The following POTEE variants were observed in gnomAD, a reference collection of about 807,000 sequenced individuals.
POTEE encodes ANKRD26-like family C member 1A.
A neutral mutation model predicts 74.2 loss-of-function variants in POTEE; 21 were observed. The observed-to-expected ratio is 0.28, with a 90% CI of 0.20 to 0.41. The LOEUF is 0.41. POTEE is among the 10% of genes least tolerant of loss of function. POTEE has a pLI of 1.00. For synonymous variants in POTEE, 211 were observed against 432.8 expected (o/e 0.49, Z 6.36); for missense variants, 525 against 1,158.6 (o/e 0.45, Z 7.94).
Position 131,263,943 on chromosome 2 carries a change from C to T in POTEE, c.2488C>T (p.Pro830Ser), listed in dbSNP as rs1171478564. 7.4e-6 allele frequency: 12 copies of T among 1,614,096 alleles called. No homozygotes were observed. Among genetic ancestry groups the T allele is most frequent in the African/African-American group, 1.3e-5 (1 of 74,944 alleles). The change falls in exon 18 of 18, where the codon CCA (proline) becomes TCA (serine). Residue 830 changes from proline (P) to serine (S), a missense_variant. Transcript: ENST00000683005. ...GATCATGTTTGAGACCTTCAACACC[C>T]CAGCCATGTACGTGGCCATCCAGGC... Reference protein sequence around the residue: ...TQIMFETFNTPAMYVAIQAVP... With the variant: ...TQIMFETFNTSAMYVAIQAVP...
At chr2:131,236,173 C>G (rs1226116522) in intron 9 of POTEE, among the ~76,000 whole-genome samples, 1 of 152,044 alleles carries the variant, frequency 6.6e-6, no homozygotes, top group South Asian at 2.1e-4. Flanking sequence ...CAGGAACTTG[C>G]AAATAGTATG....
chr2:131,215,296 C>A (rs576130194), intron 2 of POTEE, among the ~76,000 whole-genome samples: 1 of 151,954 alleles, frequency 6.6e-6, no homozygotes, highest in Admixed American at 6.6e-5. Context: ...TAAATAGTAT[C>A]AATTGCATAT....
chr2:131,231,342 G>A (rs1179614074), intron 9 of POTEE, among the ~76,000 whole-genome samples: 2 of 151,480 alleles, frequency 1.3e-5, no homozygotes, highest in South Asian at 2.1e-4. Context: ...GCCATAAGGA[G>A]TGGCTGTAAA....
At chr2:131,209,998 C>T (rs1197980346) in intron 1 of POTEE, among the ~76,000 whole-genome samples, 179 bp downstream of exon 1, 10 of 56,028 alleles carry the variant, frequency 1.8e-4, no homozygotes, top group Middle Eastern at 0.023. Flanking sequence ...CTACACTGCC[C>T]GTGGTGGCGG....
intron 4 of POTEE, among the ~76,000 whole-genome samples, chr2:131,219,579 T>TA (rs930012447): frequency 2.0e-5 from 3 of 151,814 alleles, no homozygotes; most frequent in Admixed American, 6.6e-5. Context: ...CTAAAAAATA[T>TA]AAAAAAAATT....
chr2:131,233,922 C>T lies in POTEE; in HGVS notation c.1127-2810C>T, dbSNP rs1483471990. On this transcript the variant is annotated intron_variant, in intron 9 of 17. Transcript: ENST00000683005. ...CTGGTGAATACAGAAGAGCAAAGAG[C>T]AGCAGGTCAGCAGGAATGACTAATG... is the stretch of plus-strand genomic sequence containing the variant. 2.0e-5 allele frequency among the ~76,000 whole-genome samples: 3 copies of T among 150,964 alleles called. No individual in the cohort carries two copies. The East Asian group carries it at 5.8e-4, about 29-fold the overall frequency.
intron 16 of POTEE, among the ~76,000 whole-genome samples, chr2:131,256,695 C>G (rs1277054502): frequency 1.5e-5 from 2 of 134,134 alleles, no homozygotes; most frequent in East Asian, 4.6e-4. Context: ...CTTAAAATCC[C>G]CTTTCTAAGA....
chr2:131,220,941 A>T (rs1700596928), intron 4 of POTEE, among the ~76,000 whole-genome samples: 1 of 144,236 alleles, frequency 6.9e-6, no homozygotes, highest in Non-Finnish European at 1.5e-5. Context: ...AGCCTGGGTG[A>T]TAGAGTGAGA....
intron 2 of POTEE, among the ~76,000 whole-genome samples, chr2:131,213,885 A>G (rs1700403377): frequency 6.6e-6 from 1 of 152,142 alleles, no homozygotes; most frequent in Non-Finnish European, 1.5e-5. Context: ...GTGACTGGGC[A>G]TAGAGTTGGC....
At chr2:131,225,685 A>AGT (rs1553475807) in intron 6 of POTEE, among the ~76,000 whole-genome samples, 3 of 131,166 alleles carry the variant, frequency 2.3e-5, no homozygotes, top group Admixed American at 7.5e-5. Flanking sequence ...CTCCAACCTC[A>AGT]GTTTTTTTTT....
At position 131,263,348 on chromosome 2, in the gene POTEE, T is replaced by G. The variant is rs543544640; in HGVS notation, c.1900-7T>G. Reference sequence around the variant, plus strand: ...GTGCTAACTAAAAGTTCTCTTTGTTTACTTAGCTTTCTCTTAGTTGTAAGA... The same window carrying G: ...GTGCTAACTAAAAGTTCTCTTTGTTGACTTAGCTTTCTCTTAGTTGTAAGA... On this transcript the variant is annotated splice_polypyrimidine_tract_variant and splice_region_variant and intron_variant, in intron 17 of 17. Coordinates refer to ENST00000683005, the MANE Select transcript of POTEE (RefSeq NM_001083538.3). 1.6e-4 allele frequency: 263 copies of G among 1,609,230 alleles called. 1 individual carries two copies. In the South Asian group the frequency reaches 2.8e-3, roughly 17 times the overall value.
intron 4 of POTEE, among the ~76,000 whole-genome samples, chr2:131,222,620 A>G (rs1006581632): frequency 1.3e-5 from 2 of 152,204 alleles, no homozygotes; most frequent in Admixed American, 6.5e-5. Flanking sequence ...TTAAAAGGAG[A>G]AAATTTATAA....
chr2:131,264,849 A>G lies in POTEE; in HGVS notation c.*166A>G. 1.3e-6 allele frequency: 1 copy of G among 749,278 alleles called. No individual in the cohort carries two copies. Among genetic ancestry groups the G allele is most frequent in the Non-Finnish European group, 2.2e-6 (1 of 462,088 alleles). The allele number at this position is 749,278 out of a possible 1,614,324, so 46.4% of individuals were successfully genotyped here. A position where few individuals can be genotyped will look rare whatever the true frequency, so the allele number is the denominator to read the frequency against. The stretch of plus-strand genomic sequence containing the variant: ...AAACCGGAATGGTGAAGGTGACAGC[A>G]GTCGGTTGGAGGAAGCTTCCTCCAA... On this transcript the variant is annotated 3_prime_UTR_variant, in exon 18 of 18. Transcript: ENST00000683005.
At chr2:131,230,543 G>T (rs1261400921) in intron 8 of POTEE, among the ~76,000 whole-genome samples, 1 of 152,140 alleles carries the variant, frequency 6.6e-6, no homozygotes, top group African/African-American at 2.4e-5. Flanking sequence ...GTTCATTATG[G>T]AGCTAGGACT....
At chr2:131,231,758 G>T (rs1441295067) in intron 9 of POTEE, among the ~76,000 whole-genome samples, 1 of 152,004 alleles carries the variant, frequency 6.6e-6, no homozygotes, top group Non-Finnish European at 1.5e-5. Context: ...CCAACTCTAG[G>T]CTCAGCAGAT....
chr2:131,257,102 C>T (rs1180062927), intron 16 of POTEE, among the ~76,000 whole-genome samples: 1 of 132,618 alleles, frequency 7.5e-6, no homozygotes, highest in East Asian at 2.4e-4. Flanking sequence ...CCAACTTTCC[C>T]ACCACCCTTC....
intron 6 of POTEE, among the ~76,000 whole-genome samples, chr2:131,225,870 T>C (rs1489984827): frequency 6.6e-6 from 1 of 152,168 alleles, no homozygotes; most frequent in Non-Finnish European, 1.5e-5. Context: ...ATGAATATTA[T>C]TGGTAGTATG....
rs1331397668 is a variant in POTEE at position 131,219,269 on chromosome 2, A to G, written c.521+346A>G. On this transcript the variant is annotated intron_variant, in intron 4 of 17. Coordinates refer to ENST00000683005, the MANE Select transcript of POTEE (RefSeq NM_001083538.3). ...ATAGAAAAGTGTATATTGAGAACTA[A>G]GAACAAAGCCCCATAACACATCAAC... Among the ~76,000 whole-genome samples, 26 of 151,720 alleles carry G rather than the reference A, an allele frequency of 1.7e-4. No individual in the cohort carries two copies. In the East Asian group the frequency reaches 4.4e-3, roughly 26 times the overall value.
Position 131,217,533 on chromosome 2 carries a change from A to G in POTEE, c.-188-56A>G, listed in dbSNP as rs1450976074. ...TCAAAGGAGGCTGTCAGCATCCTCA[A>G]GTTCCAGACGCTTAGCCCCAGTCCT... is the stretch of plus-strand genomic sequence containing the variant. On this transcript the variant is annotated intron_variant, in intron 2 of 17. Coordinates refer to ENST00000683005, the MANE Select transcript of POTEE (RefSeq NM_001083538.3). 2.1e-5 allele frequency among the ~76,000 whole-genome samples: 3 copies of G among 145,876 alleles called. No individual in the cohort carries two copies. The East Asian group carries it at 6.1e-4, about 29-fold the overall frequency.
Sources: allele counts gnomAD v4.1 joint callset (sites outside exome capture counted in the v4.1 genomes callset), GRCh38; gene constraint gnomAD v4.1.1; transcripts MANE v1.5; gene names NCBI Gene and HGNC (gene_info 2026-07-23, HGNC 2026-07-21).